HDAC9: variants seen among roughly 807,000 people sequenced by gnomAD.
HDAC9 encodes histone deacetylase 9, also known as MEF-2 interacting transcription repressor (MITR) protein.
A neutral mutation model predicts 139.4 loss-of-function variants in HDAC9; 41 were observed. The observed-to-expected ratio is 0.29, with a 90% CI of 0.23 to 0.38. The LOEUF is 0.38. HDAC9 is among the 10% of genes least tolerant of loss of function. The pLI is 1.00. For synonymous variants in HDAC9, 517 were observed against 476.2 expected (o/e 1.09, Z -1.12); for missense variants, 1,147 against 1,297.0 (o/e 0.88, Z 1.78).
chr7:18,731,646 A>T (rs1186481768), intron 13 of HDAC9, among the ~76,000 whole-genome samples: 3 of 152,066 alleles, frequency 2.0e-5, no homozygotes, highest in Non-Finnish European at 4.4e-5. Context: ...TTTTTTTGAG[A>T]CGGAGTTTTG....
intron 2 of HDAC9, among the ~76,000 whole-genome samples, chr7:18,170,630 G>T (rs566987888): frequency 1.3e-5 from 2 of 152,144 alleles, no homozygotes; most frequent in Non-Finnish European, 2.9e-5. Flanking sequence ...TATATAAGGT[G>T]TAAGGAAGGG....
intron 1 of HDAC9, among the ~76,000 whole-genome samples, chr7:18,382,938 T>C (rs570585908): frequency 1.5e-4 from 23 of 152,350 alleles, no homozygotes; most frequent in Admixed American, 1.2e-3. Flanking sequence ...CACACACACA[T>C]ATTTTCTTTT....
intron 1 of HDAC9, among the ~76,000 whole-genome samples, chr7:18,439,631 G>A (rs1226046659): frequency 6.6e-6 from 1 of 152,086 alleles, no homozygotes; most frequent in African/African-American, 2.4e-5. Context: ...TCTTCTTATT[G>A]ACATGGAGAC....
chr7:18,349,333 C>G (rs1324790127), intron 1 of HDAC9, among the ~76,000 whole-genome samples: 1 of 150,834 alleles, frequency 6.6e-6, no homozygotes, highest in Non-Finnish European at 1.5e-5. Context: ...CACACACACA[C>G]ACACACACAC....
intron 23 of HDAC9, chr7:18,949,083 G>T: frequency 1.5e-5 from 5 of 339,796 alleles, no homozygotes; most frequent in East Asian, 8.3e-5. Flanking sequence ...GTTTTGGGAG[G>T]GTTTTTTTTC....
At chr7:18,898,577 C>G (rs1801421513) in intron 22 of HDAC9, among the ~76,000 whole-genome samples, 1 of 151,772 alleles carries the variant, frequency 6.6e-6, no homozygotes, top group Admixed American at 6.6e-5. Flanking sequence ...GGCAGTATCT[C>G]ATTTTATCTA....
chr7:18,846,167 C>A (rs535013909), intron 21 of HDAC9, among the ~76,000 whole-genome samples: 1 of 152,172 alleles, frequency 6.6e-6, no homozygotes, highest in Admixed American at 6.5e-5. Flanking sequence ...GATTTTAATT[C>A]TCAATGTTCT....
chr7:18,565,256 A>G (rs1198288059), intron 2 of HDAC9, among the ~76,000 whole-genome samples: 2 of 152,186 alleles, frequency 1.3e-5, no homozygotes, highest in South Asian at 2.1e-4. Flanking sequence ...TCAGCCTCCC[A>G]AAGTGTTGGG....
chr7:18,331,826 T>C (rs1008818223), intron 1 of HDAC9, among the ~76,000 whole-genome samples: 2 of 151,576 alleles, frequency 1.3e-5, no homozygotes, highest in African/African-American at 4.8e-5. Flanking sequence ...GTCTGGCACT[T>C]GGTAGATCCT....
intron 25 of HDAC9, among the ~76,000 whole-genome samples, chr7:18,978,277 G>A (rs1304035430): frequency 6.6e-6 from 1 of 152,076 alleles, no homozygotes; most frequent in Non-Finnish European, 1.5e-5. Context: ...AAGATTTTGG[G>A]TAAAGCAGCT....
At position 18,316,213 on chromosome 7, in the gene HDAC9, T is replaced by C. The variant is rs76974573; in HGVS notation, c.-42+25698T>C. 2.4e-3 allele frequency among the ~76,000 whole-genome samples: 358 copies of C among 152,264 alleles called. 9 individuals are homozygous for C. In the East Asian group the frequency reaches 0.054, roughly 23 times the overall value. ...TCTAACAAGCTCTGAAATGATACTGTGCTGGTTCAAGGGCCACACTTTGAG... is the reference window on the plus strand; with the variant it reads ...TCTAACAAGCTCTGAAATGATACTGCGCTGGTTCAAGGGCCACACTTTGAG... On this transcript the variant is annotated intron_variant, in intron 1 of 3. Coordinates refer to the HDAC9 transcript ENST00000413509.
chr7:18,173,154 A>G (rs535221456), intron 2 of HDAC9, among the ~76,000 whole-genome samples: 7 of 152,246 alleles, frequency 4.6e-5, no homozygotes, highest in African/African-American at 1.7e-4. Flanking sequence ...GTGCATTTAT[A>G]TTTAGTATGG....
At chr7:18,521,316 T>C (rs1201620243) in intron 2 of HDAC9, among the ~76,000 whole-genome samples, 1 of 152,202 alleles carries the variant, frequency 6.6e-6, no homozygotes. Flanking sequence ...ATGAGATGTT[T>C]AATTTTATGT....
intron 1 of HDAC9, among the ~76,000 whole-genome samples, chr7:18,468,868 G>A (rs1434354720): frequency 6.6e-6 from 1 of 152,090 alleles, no homozygotes; most frequent in African/African-American, 2.4e-5. Context: ...TCCAGACTGT[G>A]GTATAAGTAC....
At chr7:18,402,510 G>A (rs967141870) in intron 1 of HDAC9, among the ~76,000 whole-genome samples, 1 of 152,166 alleles carries the variant, frequency 6.6e-6, no homozygotes, top group African/African-American at 2.4e-5. Flanking sequence ...GAGTGAGGTG[G>A]GTGGTGAGCT....
chr7:18,248,064 G>C (rs897246464), intron 2 of HDAC9, among the ~76,000 whole-genome samples: 2 of 151,930 alleles, frequency 1.3e-5, no homozygotes, highest in African/African-American at 4.8e-5. Context: ...CTCATTTTAA[G>C]GCCTTTACAG....
chr7:18,920,444 G>T (rs1803596951), intron 22 of HDAC9, among the ~76,000 whole-genome samples: 1 of 152,066 alleles, frequency 6.6e-6, no homozygotes, highest in Non-Finnish European at 1.5e-5. Flanking sequence ...TGCAAACAGG[G>T]ACAATTTGAC....
At chr7:18,348,936 A>G (rs1479419952) in intron 1 of HDAC9, among the ~76,000 whole-genome samples, 1 of 152,158 alleles carries the variant, frequency 6.6e-6, no homozygotes, top group Non-Finnish European at 1.5e-5. Flanking sequence ...GAACTCAGTA[A>G]TTGAGACAGC....
At chr7:18,748,521 A>G (rs1788173983) in intron 13 of HDAC9, among the ~76,000 whole-genome samples, 1 of 152,192 alleles carries the variant, frequency 6.6e-6, no homozygotes, top group African/African-American at 2.4e-5. Context: ...AGAGTGGGAA[A>G]ATCTTCCGTT....
Sources: gnomAD v4.1 joint callset for allele counts (sites outside exome capture counted in the v4.1 genomes callset) on GRCh38, gnomAD v4.1.1 for gene constraint, MANE v1.5 for transcripts, NCBI Gene and HGNC (gene_info 2026-07-23, HGNC 2026-07-21) for gene names.